SLC24A2: variants seen among roughly 807,000 people sequenced by gnomAD.
The protein encoded by SLC24A2 is sodium/potassium/calcium exchanger 2.
A neutral mutation model predicts 62.0 loss-of-function variants in SLC24A2; 36 were observed. That is an observed-to-expected ratio of 0.58 (90% confidence interval 0.44 to 0.77). The LOEUF (loss-of-function observed/expected upper bound fraction) is 0.77, where lower values mean the gene tolerates loss of function less well. Among genes scored for constraint, SLC24A2 ranks in the 30% least tolerant of loss-of-function variants. SLC24A2 has a pLI of 0.00. For synonymous variants in SLC24A2, 358 were observed against 294.0 expected, an observed-to-expected ratio of 1.22 and a Z score of -2.23; for missense variants, 846 against 817.9, an observed-to-expected ratio of 1.03 and a Z score of -0.42.
the SLC24A2 span, among the ~76,000 whole-genome samples, chr9:19,824,188 T>G: frequency 2.6e-5 from 4 of 152,116 alleles, no homozygotes; most frequent in Admixed American, 2.6e-4. Flanking sequence ...CTAATTAAAC[T>G]AAAGAGCTTC....
At chr9:19,838,624 G>C in the SLC24A2 span, among the ~76,000 whole-genome samples, 2 of 151,468 alleles carry the variant, frequency 1.3e-5, no homozygotes, top group African/African-American at 2.4e-5. Flanking sequence ...AGGCAATAGA[G>C]GGAGACTCTG....
the SLC24A2 span, among the ~76,000 whole-genome samples, chr9:20,084,270 T>G: frequency 6.6e-6 from 1 of 152,214 alleles, no homozygotes; most frequent in South Asian, 2.1e-4. Flanking sequence ...AGTAGCGTAC[T>G]TCAAGTGTAG....
At chr9:19,871,061 T>G in the SLC24A2 span, among the ~76,000 whole-genome samples, 1 of 152,226 alleles carries the variant, frequency 6.6e-6, no homozygotes, top group Non-Finnish European at 1.5e-5. Flanking sequence ...TCTAAGAAAC[T>G]AATCCAAGGT....
chr9:20,105,278 A>T, the SLC24A2 span, among the ~76,000 whole-genome samples: 13 of 148,678 alleles, frequency 8.7e-5, no homozygotes, highest in African/African-American at 2.5e-4. Context: ...TGTCAACATT[A>T]GACAGATCAA....
chr9:19,831,654 C>T, the SLC24A2 span, among the ~76,000 whole-genome samples: 56 of 152,242 alleles, frequency 3.7e-4, 1 homozygote, highest in African/African-American at 1.3e-3. Context: ...AGGAAGACAA[C>T]ATTGTCTTTA....
At chr9:19,624,218 G>A (rs544534325) in intron 2 of SLC24A2, among the ~76,000 whole-genome samples, 75 of 152,228 alleles carry the variant, frequency 4.9e-4, no homozygotes, top group African/African-American at 1.3e-3. Context: ...GAGATTAACC[G>A]TCAGAGCACG....
the SLC24A2 span, among the ~76,000 whole-genome samples, chr9:19,851,022 T>C: frequency 3.0e-5 from 2 of 65,752 alleles, no homozygotes; most frequent in East Asian, 2.8e-4. Flanking sequence ...TATATATATA[T>C]ACATATTTTT....
At chr9:19,723,259 G>C (rs1821079865) in intron 2 of SLC24A2, among the ~76,000 whole-genome samples, 1 of 152,082 alleles carries the variant, frequency 6.6e-6, no homozygotes, top group Non-Finnish European at 1.5e-5. Context: ...GCTTTATCTA[G>C]CAGTCATGTC....
intron 2 of SLC24A2, among the ~76,000 whole-genome samples, chr9:19,634,958 T>C (rs1818274480): frequency 6.6e-6 from 1 of 152,222 alleles, no homozygotes; most frequent in Non-Finnish European, 1.5e-5. Context: ...GAAGTAGTAA[T>C]GGATTGATGA....
the SLC24A2 span, among the ~76,000 whole-genome samples, chr9:20,282,608 G>C: frequency 3.3e-5 from 5 of 152,012 alleles, no homozygotes; most frequent in Non-Finnish European, 7.4e-5. Context: ...GAAGTAACAT[G>C]AATTGGTATC....
chr9:19,614,880 C>T (rs1340361990), intron 4 of SLC24A2, among the ~76,000 whole-genome samples: 1 of 151,988 alleles, frequency 6.6e-6, no homozygotes, highest in East Asian at 1.9e-4. Flanking sequence ...CATCTACCAG[C>T]TAAATACCAT....
chr9:20,023,592 T>G, the SLC24A2 span, among the ~76,000 whole-genome samples: 1 of 152,184 alleles, frequency 6.6e-6, no homozygotes, highest in Non-Finnish European at 1.5e-5. Flanking sequence ...TCCCAAGATA[T>G]GTCAAAGTAC....
At chr9:19,574,547 A>C (rs1447601748) in intron 6 of SLC24A2, among the ~76,000 whole-genome samples, 1 of 152,152 alleles carries the variant, frequency 6.6e-6, no homozygotes, top group South Asian at 2.1e-4. Flanking sequence ...TACTGTTGCT[A>C]CTACTACCAC....
the SLC24A2 span, among the ~76,000 whole-genome samples, chr9:20,297,524 C>G: frequency 6.6e-6 from 1 of 152,202 alleles, no homozygotes; most frequent in Non-Finnish European, 1.5e-5. Context: ...AAGGGTCTCA[C>G]TCTGATTAGT....
chr9:20,119,339 T>G, the SLC24A2 span, among the ~76,000 whole-genome samples: 1 of 151,896 alleles, frequency 6.6e-6, no homozygotes, highest in East Asian at 1.9e-4. Flanking sequence ...CATTTTTTTG[T>G]AATTTGTTAT....
At chr9:20,203,566 A>G in the SLC24A2 span, among the ~76,000 whole-genome samples, 6 of 152,148 alleles carry the variant, frequency 3.9e-5, no homozygotes, top group African/African-American at 9.7e-5. Context: ...CTTCTTGGCC[A>G]GTTGCAGCGG....
intron 10 of SLC24A2, among the ~76,000 whole-genome samples, chr9:19,516,942 T>A (rs1422768412): frequency 3.3e-5 from 5 of 152,224 alleles, no homozygotes; most frequent in African/African-American, 9.7e-5. Flanking sequence ...TGAAGTTTAT[T>A]CTGGGAAAGA....
chr9:19,609,336 C>T (rs944903898), intron 4 of SLC24A2, among the ~76,000 whole-genome samples: 1 of 152,234 alleles, frequency 6.6e-6, no homozygotes, highest in Admixed American at 6.5e-5. Context: ...GTGCTTATAC[C>T]CTATGGCAGT....
At chr9:20,065,415 T>C in the SLC24A2 span, among the ~76,000 whole-genome samples, 1 of 152,304 alleles carries the variant, frequency 6.6e-6, no homozygotes, top group South Asian at 2.1e-4. Flanking sequence ...CCCAATATCC[T>C]GTAAATGCCT....
Sources: gnomAD v4.1 joint callset for allele counts (sites outside exome capture counted in the v4.1 genomes callset) on GRCh38, gnomAD v4.1.1 for gene constraint, MANE v1.5 for transcripts, NCBI Gene and HGNC (gene_info 2026-07-23, HGNC 2026-07-21) for gene names.